The following ZFYVE9 variants were observed in gnomAD, a reference collection of about 807,000 sequenced individuals.
ZFYVE9 encodes zinc finger FYVE domain-containing protein 9.
Under a neutral mutation model 126.7 loss-of-function variants are expected in ZFYVE9, and 43 were observed. The ratio of observed to expected loss-of-function variants is 0.34; its 90% confidence interval spans 0.27 to 0.44. The LOEUF (loss-of-function observed/expected upper bound fraction) is 0.44, where lower values mean the gene tolerates loss of function less well. Ranked by LOEUF, ZFYVE9 falls within the 20% of genes least tolerant of loss-of-function variation. The probability of loss-of-function intolerance (pLI) is 1.00; values close to 1 mark genes in which losing one functional copy is unlikely to be tolerated. For synonymous variants in ZFYVE9, 521 were observed against 597.4 expected, an observed-to-expected ratio of 0.87 and a Z score of 1.87; for missense variants, 1,476 against 1,697.0, an observed-to-expected ratio of 0.87 and a Z score of 2.29.
intron 7 of ZFYVE9, among the ~76,000 whole-genome samples, chr1:52,273,758 G>A (rs1645716946): frequency 6.8e-6 from 1 of 147,452 alleles, no homozygotes; most frequent in Admixed American, 6.9e-5. Context: ...AACCTGGGAA[G>A]CAGAGGTTGT....
At chr1:52,333,426 T>C (rs1343473181) in intron 14 of ZFYVE9, among the ~76,000 whole-genome samples, 1 of 152,106 alleles carries the variant, frequency 6.6e-6, no homozygotes, top group Non-Finnish European at 1.5e-5. Flanking sequence ...CACAGAATGC[T>C]AATTAACTTG....
At chr1:52,264,921 A>T (rs981794733) in intron 5 of ZFYVE9, among the ~76,000 whole-genome samples, 2 of 152,304 alleles carry the variant, frequency 1.3e-5, no homozygotes, top group Admixed American at 6.5e-5. Context: ...AATAGTGGTT[A>T]TTTCACTTGG....
chr1:52,144,898 C>T (rs1558026260), intron 1 of ZFYVE9, among the ~76,000 whole-genome samples: 1 of 152,110 alleles, frequency 6.6e-6, no homozygotes, highest in Non-Finnish European at 1.5e-5. Flanking sequence ...ATAAATAAAT[C>T]TGAAAAGGTA....
chr1:52,320,772 G>A (rs938231292), intron 13 of ZFYVE9, among the ~76,000 whole-genome samples: 2 of 152,166 alleles, frequency 1.3e-5, no homozygotes, highest in Non-Finnish European at 2.9e-5. Flanking sequence ...ATTTTGGGGG[G>A]TGATTGCAAG....
At chr1:52,324,018 C>T (rs1258067723) in intron 13 of ZFYVE9, among the ~76,000 whole-genome samples, 2 of 150,490 alleles carry the variant, frequency 1.3e-5, no homozygotes, top group African/African-American at 2.5e-5. Context: ...GAGATTGTGC[C>T]ATTGCACTCC....
chr1:52,335,979 CA>C (rs774920285), intron 15 of ZFYVE9, among the ~76,000 whole-genome samples: 1 of 152,044 alleles, frequency 6.6e-6, no homozygotes, highest in South Asian at 2.1e-4. Flanking sequence ...ACTAAAAATA[CA>C]AAAAACAGCC....
At chr1:52,272,673 C>CTTTTTTTTTTTTTTTTTTTTTTT (rs58857376) in intron 7 of ZFYVE9, among the ~76,000 whole-genome samples, 9 of 121,258 alleles carry the variant, frequency 7.4e-5, no homozygotes, top group East Asian at 2.4e-4. Flanking sequence ...TAGAAATAAT[C>CTTTTTTTTTTTTTTTTTTTTTTT]TTTTTTTTTT....
intron 13 of ZFYVE9, among the ~76,000 whole-genome samples, chr1:52,307,233 T>C (rs6665106): frequency 6.6e-6 from 1 of 152,176 alleles, no homozygotes; most frequent in African/African-American, 2.4e-5. Context: ...TATTTCTTTT[T>C]TTTTGTTTTG....
At chr1:52,232,202 A>G (rs966646880) in intron 2 of ZFYVE9, among the ~76,000 whole-genome samples, 5 of 152,182 alleles carry the variant, frequency 3.3e-5, no homozygotes, top group Non-Finnish European at 7.3e-5. Context: ...TAAGAAGCCA[A>G]GCAGAATTTT....
chr1:52,148,059 C>T (rs1185750170), intron 1 of ZFYVE9, among the ~76,000 whole-genome samples: 1 of 151,612 alleles, frequency 6.6e-6, no homozygotes, highest in African/African-American at 2.4e-5. Context: ...GGATTACAGG[C>T]ATGAGCCACC....
chr1:52,206,955 A>T (rs1157595826), intron 1 of ZFYVE9, among the ~76,000 whole-genome samples: 1 of 152,252 alleles, frequency 6.6e-6, no homozygotes, highest in Non-Finnish European at 1.5e-5. Context: ...GTGTGTACAC[A>T]CACAGAGAGA....
At chr1:52,269,270 C>T (rs1645664531) in intron 7 of ZFYVE9, among the ~76,000 whole-genome samples, 1 of 152,030 alleles carries the variant, frequency 6.6e-6, no homozygotes, top group South Asian at 2.1e-4. Flanking sequence ...GGTGGGATTA[C>T]AGGCGCCTGC....
At chr1:52,275,927 G>A (rs917492020) in intron 8 of ZFYVE9, among the ~76,000 whole-genome samples, 6 of 20,880 alleles carry the variant, frequency 2.9e-4, no homozygotes, top group African/African-American at 1.0e-3. Context: ...TTTTTTTTTT[G>A]AGATGGAGTC....
intron 1 of ZFYVE9, among the ~76,000 whole-genome samples, chr1:52,212,311 A>G (rs1645035876): frequency 6.6e-6 from 1 of 151,976 alleles, no homozygotes; most frequent in South Asian, 2.1e-4. Context: ...TGCCTGGCTA[A>G]TTTTTGTATT....
At chr1:52,265,024 T>A (rs902582478) in intron 5 of ZFYVE9, among the ~76,000 whole-genome samples, 4 of 152,226 alleles carry the variant, frequency 2.6e-5, no homozygotes, top group African/African-American at 9.6e-5. Flanking sequence ...ACCTAATACC[T>A]CTTTTATTTG....
At chr1:52,162,451 C>G (rs1644471216) in intron 1 of ZFYVE9, 1 of 251,574 alleles carries the variant, frequency 4.0e-6, no homozygotes, top group Non-Finnish European at 8.3e-6. Flanking sequence ...AATAATCCAC[C>G]CGAATTTCTT....
At chr1:52,210,419 G>A (rs1645017008) in intron 1 of ZFYVE9, among the ~76,000 whole-genome samples, 1 of 152,016 alleles carries the variant, frequency 6.6e-6, no homozygotes, top group African/African-American at 2.4e-5. Context: ...TACTCTAAGA[G>A]ACCCAAAGCT....
intron 13 of ZFYVE9, among the ~76,000 whole-genome samples, chr1:52,319,069 T>A (rs1357052472): frequency 1.3e-5 from 2 of 152,092 alleles, no homozygotes; most frequent in Non-Finnish European, 2.9e-5. Flanking sequence ...TGCACTTCAC[T>A]CTGGGTGACA....
chr1:52,227,767 CTA>C (rs1645183166), intron 2 of ZFYVE9, among the ~76,000 whole-genome samples: 1 of 152,190 alleles, frequency 6.6e-6, no homozygotes, highest in African/African-American at 2.4e-5. Flanking sequence ...TATTGGCACT[CTA>C]TTCCATCCTG....
Sources: gnomAD v4.1 joint callset for allele counts (sites outside exome capture counted in the v4.1 genomes callset) on GRCh38, gnomAD v4.1.1 for gene constraint, MANE v1.5 for transcripts, NCBI Gene and HGNC (gene_info 2026-07-23, HGNC 2026-07-21) for gene names.